The following RBFOX1 variants were observed in gnomAD, a reference collection of about 807,000 sequenced individuals.
The protein encoded by RBFOX1 is RNA binding protein fox-1 homolog 1.
RBFOX1 carries 8 observed loss-of-function variants against 57.7 expected under a neutral mutation model. That is an observed-to-expected ratio of 0.14 (90% CI 0.08 to 0.25). The LOEUF is 0.25. RBFOX1 is among the 10% of genes least tolerant of loss of function. The pLI is 1.00. For missense variants in RBFOX1, 611 were observed against 548.5 expected (o/e 1.11, Z -1.14); for synonymous variants, 326 against 222.4 (o/e 1.47, Z -4.15).
chr16:7,592,589 C>T (rs9932172), intron 7 of RBFOX1, among the ~76,000 whole-genome samples: 21,342 of 152,010 alleles, frequency 0.14, 1,764 homozygotes, highest in East Asian at 0.27. Flanking sequence ...CTTTTCTTGC[C>T]GGGAGAGAAT....
chr16:5,350,589 G>A (rs2065240846), intron 1 of RBFOX1, among the ~76,000 whole-genome samples: 1 of 152,180 alleles, frequency 6.6e-6, no homozygotes. Context: ...CTGCACGCTG[G>A]GCACAGTGGC....
chr16:6,615,084 C>T (rs985821389), intron 2 of RBFOX1, among the ~76,000 whole-genome samples: 6 of 152,098 alleles, frequency 3.9e-5, no homozygotes, highest in African/African-American at 9.7e-5. Flanking sequence ...TGGATGGTAT[C>T]GTGAAAACAG....
intron 4 of RBFOX1, among the ~76,000 whole-genome samples, chr16:7,283,011 A>G (rs773305126): frequency 6.6e-6 from 1 of 151,960 alleles, no homozygotes. Flanking sequence ...TGGTTTATGG[A>G]TGGGTTGGTT....
intron 1 of RBFOX1, among the ~76,000 whole-genome samples, chr16:6,308,433 G>A (rs1257572153): frequency 6.6e-6 from 1 of 152,204 alleles, no homozygotes; most frequent in East Asian, 1.9e-4. Context: ...ATAAATGAAT[G>A]CACATGACTG....
At chr16:6,745,297 A>C (rs2073309649) in intron 3 of RBFOX1, among the ~76,000 whole-genome samples, 1 of 152,154 alleles carries the variant, frequency 6.6e-6, no homozygotes, top group African/African-American at 2.4e-5. Flanking sequence ...AATCCATTCT[A>C]TGAGGCAACG....
At chr16:6,419,732 C>G (rs1228783462) in intron 2 of RBFOX1, among the ~76,000 whole-genome samples, 1 of 152,082 alleles carries the variant, frequency 6.6e-6, no homozygotes. Flanking sequence ...CAGTCGTGTT[C>G]TATCTTTTAC....
chr16:6,952,564 G>C (rs558607175), intron 3 of RBFOX1, among the ~76,000 whole-genome samples: 1 of 151,986 alleles, frequency 6.6e-6, no homozygotes, highest in East Asian at 1.9e-4. Context: ...CTTAGGCCTG[G>C]GAGATCAAGG....
intron 4 of RBFOX1, among the ~76,000 whole-genome samples, chr16:7,435,563 A>C (rs754601007): frequency 8.5e-5 from 13 of 152,218 alleles, no homozygotes; most frequent in Non-Finnish European, 1.5e-4. Flanking sequence ...AGCAGCATCT[A>C]CATCCATGAG....
chr16:7,583,783 C>G (rs1602484502), intron 6 of RBFOX1, among the ~76,000 whole-genome samples: 1 of 152,054 alleles, frequency 6.6e-6, no homozygotes. Flanking sequence ...GAATTTTAGA[C>G]CAGCCTGCGC....
chr16:7,347,644 C>G (rs1006859016), intron 4 of RBFOX1, among the ~76,000 whole-genome samples: 6 of 152,320 alleles, frequency 3.9e-5, no homozygotes, highest in African/African-American at 9.6e-5. Flanking sequence ...GGCTGTCACA[C>G]TACTGTGACT....
chr16:6,336,630 A>G (rs771748023), intron 2 of RBFOX1, among the ~76,000 whole-genome samples: 11 of 152,132 alleles, frequency 7.2e-5, no homozygotes, highest in Admixed American at 6.5e-4. Flanking sequence ...GAACTTTGCC[A>G]GTTGTCAACT....
chr16:5,323,842 A>C (rs150252341), intron 1 of RBFOX1, among the ~76,000 whole-genome samples: 1 of 152,366 alleles, frequency 6.6e-6, no homozygotes, highest in Non-Finnish European at 1.5e-5. Flanking sequence ...TGTCCCTGTA[A>C]CATAGACTGG....
At chr16:7,075,217 C>T (rs2058082029) in intron 4 of RBFOX1, among the ~76,000 whole-genome samples, 1 of 152,164 alleles carries the variant, frequency 6.6e-6, no homozygotes, top group Non-Finnish European at 1.5e-5. Context: ...AGGGAATCCA[C>T]TTCTGGGTAC....
intron 2 of RBFOX1, among the ~76,000 whole-genome samples, chr16:6,507,191 G>A (rs2096123125): frequency 1.3e-5 from 2 of 151,974 alleles, no homozygotes; most frequent in Admixed American, 6.6e-5. Flanking sequence ...GACATCCCAA[G>A]ACCTAGTTTT....
At chr16:5,683,078 A>G (rs4786054) in intron 3 of RBFOX1, among the ~76,000 whole-genome samples, 1 of 151,428 alleles carries the variant, frequency 6.6e-6, no homozygotes, top group Non-Finnish European at 1.5e-5. Context: ...TGAGATAAAG[A>G]CTGGACAATG....
At chr16:6,127,838 A>C (rs984518746) in intron 1 of RBFOX1, among the ~76,000 whole-genome samples, 3 of 152,194 alleles carry the variant, frequency 2.0e-5, no homozygotes, top group African/African-American at 7.2e-5. Flanking sequence ...AACCTAAAAA[A>C]AATTTTTTTC....
At chr16:7,513,156 A>G (rs7200648) in intron 4 of RBFOX1, among the ~76,000 whole-genome samples, 141,313 of 152,024 alleles carry the variant, frequency 0.93, 66,076 homozygotes, top group Non-Finnish European at 0.99. Flanking sequence ...CTAGCTACTC[A>G]GGAGGCTGAG....
intron 4 of RBFOX1, among the ~76,000 whole-genome samples, chr16:7,436,824 G>A (rs1014492019): frequency 1.3e-5 from 2 of 152,192 alleles, no homozygotes; most frequent in Non-Finnish European, 2.9e-5. Flanking sequence ...CACTTTGGGA[G>A]ACCAAGGCAG....
At chr16:6,747,849 G>C (rs2074087017) in intron 3 of RBFOX1, among the ~76,000 whole-genome samples, 1 of 152,104 alleles carries the variant, frequency 6.6e-6, no homozygotes, top group South Asian at 2.1e-4. Flanking sequence ...TCATTTTTCT[G>C]ACATAAAACT....
Sources: allele counts gnomAD v4.1 joint callset (sites outside exome capture counted in the v4.1 genomes callset), GRCh38; gene constraint gnomAD v4.1.1; transcripts MANE v1.5; gene names NCBI Gene and HGNC (gene_info 2026-07-23, HGNC 2026-07-21).